The following MAPKAPK5 variants were observed in gnomAD, a reference collection of about 807,000 sequenced individuals.
The protein encoded by MAPKAPK5 is MAP kinase-activated protein kinase 5.
In MAPKAPK5, 30 loss-of-function variants were observed where a neutral mutation model predicts 65.1. The observed-to-expected ratio is 0.46, with a 90% CI of 0.34 to 0.63. MAPKAPK5 has a LOEUF of 0.63. MAPKAPK5 is among the 20% of genes least tolerant of loss of function. MAPKAPK5 has a pLI of 0.01. For synonymous variants in MAPKAPK5, 179 were observed against 204.6 expected (o/e 0.87, Z 1.07); for missense variants, 433 against 581.4 (o/e 0.74, Z 2.63).
Position 111,895,136 on chromosome 12 carries a change from G to T in MAPKAPK5, c.*2075G>T, listed in dbSNP as rs1400266571. The T allele has an allele frequency of 8.2e-5, 10 of 121,836 alleles. No individual in the cohort carries two copies. The Admixed American group carries it at 1.1e-3, about 13-fold the overall frequency. The allele number at this position is 121,836 out of a possible 1,614,324, so 7.5% of individuals were successfully genotyped here. A position where few individuals can be genotyped will look rare whatever the true frequency, so the allele number is the denominator to read the frequency against. On this transcript the variant is annotated 3_prime_UTR_variant, in exon 14 of 14. Coordinates refer to ENST00000550735, the MANE Select transcript of MAPKAPK5 (RefSeq NM_003668.4). Reference sequence around the variant, plus strand: ...TTTTGAGATGGATTCTTGCTCTGTCGCCCAGGCTGGAGTGCAGTGGCGCGA... The same window carrying T: ...TTTTGAGATGGATTCTTGCTCTGTCTCCCAGGCTGGAGTGCAGTGGCGCGA...
rs2070846198 is a variant in MAPKAPK5 at position 111,897,007 on chromosome 12, C to T, written c.*3946C>T. On this transcript the variant is annotated 3_prime_UTR_variant, in exon 14 of 14. Coordinates refer to ENST00000550735, the MANE Select transcript of MAPKAPK5 (RefSeq NM_003668.4). The stretch of plus-strand genomic sequence containing the variant: ...ATTAGCCAGGCATGGTGGCACATGC[C>T]TGTAATCCCAGCTGCTCGGGAGGCT... The T allele has an allele frequency of 6.6e-6, 1 of 152,412 alleles. No homozygotes were observed. Among genetic ancestry groups the T allele is most frequent in the Non-Finnish European group, 1.5e-5 (1 of 68,214 alleles). 9.4% of individuals were successfully genotyped at this position (152,412 alleles called of 1,614,324 possible).
At chr12:111,849,893 CT>C (rs59012546) in intron 1 of MAPKAPK5, among the ~76,000 whole-genome samples, 29,524 of 149,410 alleles carry the variant, frequency 0.2, 3,088 homozygotes, top group Middle Eastern at 0.27. Context: ...ATTAAAATAA[CT>C]TTTTTTTTTG....
At chr12:111,868,460 A>T (rs1388613107) in intron 4 of MAPKAPK5, among the ~76,000 whole-genome samples, 1 of 152,242 alleles carries the variant, frequency 6.6e-6, no homozygotes, top group Non-Finnish European at 1.5e-5. Flanking sequence ...ATGGGAAATC[A>T]AACAAATGGG....
Position 111,893,653 on chromosome 12 carries a change from T to C in MAPKAPK5, c.*592T>C, listed in dbSNP as rs1173657420. The C allele has an allele frequency of 6.6e-6, 1 of 152,246 alleles. No individual in the cohort carries two copies. The highest frequency in any genetic ancestry group is 1.9e-4 in the East Asian group (1 of 5,204). The allele number at this position is 152,246 out of a possible 1,614,324, so 9.4% of individuals were successfully genotyped here. ...GCAGGAACATTTCCTTTTTGTCATATCTGTTAAAAGGGTACTGGTGTGTTT... is the reference window on the plus strand; with the variant it reads ...GCAGGAACATTTCCTTTTTGTCATACCTGTTAAAAGGGTACTGGTGTGTTT... On this transcript the variant is annotated 3_prime_UTR_variant, in exon 14 of 14. Transcript: ENST00000550735.
Position 111,899,943 on chromosome 12 carries a change from T to C in MAPKAPK5, c.*6882T>C, listed in dbSNP as rs1196527253. 2.2e-6 allele frequency: 1 copy of C among 455,954 alleles called. No individual in the cohort carries two copies. The highest frequency in any genetic ancestry group is 2.0e-5 in the African/African-American group (1 of 50,078). 28.2% of individuals were successfully genotyped at this position (455,954 alleles called of 1,614,324 possible). ...TGATCTACAGGCACTGTCCTACTTG[T>C]GGTCACACAAAAAGTACGTGGAGAT... On this transcript the variant is annotated 3_prime_UTR_variant, in exon 14 of 14. Transcript: ENST00000550735.
Position 111,888,868 on chromosome 12 carries a change from C to G in MAPKAPK5, c.1101-17C>G, listed in dbSNP as rs1346617776. 5 of 1,612,296 alleles carry G rather than the reference C, an allele frequency of 3.1e-6. No individual in the cohort carries two copies. Among genetic ancestry groups the G allele is most frequent in the Non-Finnish European group, 4.2e-6 (5 of 1,178,696 alleles). On this transcript the variant is annotated splice_polypyrimidine_tract_variant and intron_variant, in intron 11 of 13. Transcript: ENST00000550735. The stretch of plus-strand genomic sequence containing the variant: ...GGGGTCTCACGTTGTCATTACCCCT[C>G]CCTCAAACTCTTAAAGCACCAAGCC...
At position 111,894,378 on chromosome 12, in the gene MAPKAPK5, G is replaced by T. The variant is rs1026977253; in HGVS notation, c.*1317G>T. The T allele has an allele frequency of 2.0e-5, 3 of 152,536 alleles. No homozygotes were observed. 9.4% of individuals were successfully genotyped at this position (152,536 alleles called of 1,614,324 possible). On this transcript the variant is annotated 3_prime_UTR_variant, in exon 14 of 14. Coordinates refer to ENST00000550735, the MANE Select transcript of MAPKAPK5 (RefSeq NM_003668.4). ...GAGCTTCCCTTTCCCCTTCCAGGAG[G>T]TCCTGCTTTGTCCTTTCCCCTTCCC...
intron 9 of MAPKAPK5, 49 bp from the exon 10 acceptor site, chr12:111,885,867 C>A (rs2070384295): frequency 6.2e-7 from 1 of 1,612,266 alleles, no homozygotes; most frequent in Non-Finnish European, 8.5e-7. Context: ...TTCCTATGGC[C>A]TTTTGGTAGC....
chr12:111,861,168 T>A (rs75080921), intron 1 of MAPKAPK5, among the ~76,000 whole-genome samples: 137 of 151,028 alleles, frequency 9.1e-4, no homozygotes, highest in Non-Finnish European at 1.7e-3. Flanking sequence ...AAAAAAAAAA[T>A]AATTTCCATT....
Position 111,883,439 on chromosome 12 carries a change from C to G in MAPKAPK5, c.661-142C>G. On this transcript the variant is annotated intron_variant, in intron 8 of 13. Transcript: ENST00000550735. This position sits in a 1 kb window ranked among gnomAD's most constrained non-coding sequence, Gnocchi z 4.8. ...TAAAGACTAGTTCTCCTAAGACTTC[C>G]TTCAGCTTTCCTAGTCTCTGTTAAG... 1 of 638,890 alleles carries G rather than the reference C, an allele frequency of 1.6e-6. No individual in the cohort carries two copies. Among genetic ancestry groups the G allele is most frequent in the Admixed American group, 2.8e-5 (1 of 36,218 alleles). 39.6% of individuals were successfully genotyped at this position (638,890 alleles called of 1,614,324 possible).
chr12:111,863,750 G>A (rs1196821256), intron 1 of MAPKAPK5, among the ~76,000 whole-genome samples: 2 of 151,960 alleles, frequency 1.3e-5, no homozygotes, highest in Non-Finnish European at 1.5e-5. Context: ...GGGATTACAG[G>A]CATGCGCCAC....
rs2070875088 is a variant in MAPKAPK5 at position 111,897,897 on chromosome 12, A to G, written c.*4836A>G. Reference sequence around the variant, plus strand: ...TTGACTTGCTGTAAAATTATACAAGATAAAAAATGTAGAGTTTTATTTTTC... The same window carrying G: ...TTGACTTGCTGTAAAATTATACAAGGTAAAAAATGTAGAGTTTTATTTTTC... On this transcript the variant is annotated 3_prime_UTR_variant, in exon 14 of 14. Coordinates refer to ENST00000550735, the MANE Select transcript of MAPKAPK5 (RefSeq NM_003668.4). 1 of 151,840 alleles carries G rather than the reference A, an allele frequency of 6.6e-6. No homozygotes were observed. The highest frequency in any genetic ancestry group is 6.6e-5 in the Admixed American group (1 of 15,178). The allele number at this position is 151,840 out of a possible 1,614,324, so 9.4% of individuals were successfully genotyped here.
chr12:111,848,880 C>T (rs2068983662), intron 1 of MAPKAPK5, among the ~76,000 whole-genome samples: 1 of 152,006 alleles, frequency 6.6e-6, no homozygotes, highest in African/African-American at 2.4e-5. Context: ...CAGGCATGCG[C>T]CACCATGCCC....
At chr12:111,890,728 G>T (rs1042098154) in intron 13 of MAPKAPK5, among the ~76,000 whole-genome samples, 1 of 152,200 alleles carries the variant, frequency 6.6e-6, no homozygotes, top group Non-Finnish European at 1.5e-5. Flanking sequence ...CGCAATCTTT[G>T]CTCATTGCAA....
At chr12:111,880,550 T>G in intron 8 of MAPKAPK5, 23 bp downstream of exon 8, 1 of 1,605,688 alleles carries the variant, frequency 6.2e-7, no homozygotes, top group African/African-American at 1.3e-5. Flanking sequence ...ATATTTCTCT[T>G]CATTTGACAG....
Position 111,842,771 on chromosome 12 carries a change from T to A in MAPKAPK5, c.36+2T>A. 7.5e-7 allele frequency: 1 copy of A among 1,330,326 alleles called. No individual in the cohort carries two copies. The highest frequency in any genetic ancestry group is 9.7e-7 in the Non-Finnish European group (1 of 1,031,878). 82.4% of individuals were successfully genotyped at this position (1,330,326 alleles called of 1,614,324 possible). A position where few individuals can be genotyped will look rare whatever the true frequency, so the allele number is the denominator to read the frequency against. On this transcript the variant is annotated splice_donor_variant, in intron 1 of 13. Coordinates refer to ENST00000550735, the MANE Select transcript of MAPKAPK5 (RefSeq NM_003668.4). LOFTEE classifies it high-confidence loss of function. Reference sequence around the variant, plus strand: ...AGCGACATGGACAAAGCCATCAAGGTAAGGGGGAGGTGCCCCCTCTTCCCC... The same window carrying A: ...AGCGACATGGACAAAGCCATCAAGGAAAGGGGGAGGTGCCCCCTCTTCCCC...
intron 1 of MAPKAPK5, 80 bp downstream of exon 1, chr12:111,842,849 T>G: frequency 8.1e-7 from 1 of 1,233,098 alleles, no homozygotes; most frequent in Non-Finnish European, 1.0e-6. Context: ...GCAGGGAGAT[T>G]TTGCAGTGAG....
At chr12:111,843,922 C>G (rs1265728571) in intron 1 of MAPKAPK5, among the ~76,000 whole-genome samples, 1 of 152,130 alleles carries the variant, frequency 6.6e-6, no homozygotes, top group Non-Finnish European at 1.5e-5. Context: ...ACGCCATTCT[C>G]CTGCCTCAGC....
At chr12:111,871,301 A>C in intron 7 of MAPKAPK5, 121 bp downstream of exon 7, 1 of 724,902 alleles carries the variant, frequency 1.4e-6, no homozygotes, top group Non-Finnish European at 2.3e-6. Context: ...ACTTAGCTTT[A>C]GAAACCTACA....
Sources: gnomAD v4.1 joint callset for allele counts (sites outside exome capture counted in the v4.1 genomes callset) on GRCh38, gnomAD v4.1.1 for gene constraint, Gnocchi (gnomAD v3.1) non-coding constraint, MANE v1.5 for transcripts, NCBI Gene and HGNC (gene_info 2026-07-23, HGNC 2026-07-21) for gene names.